Variants in PADI4 observed in about 807,000 individuals in gnomAD.
PADI4 encodes the protein peptidyl arginine deiminase 4.
Under a neutral mutation model 75.0 loss-of-function variants are expected in PADI4, and 62 were observed. The ratio of observed to expected loss-of-function variants is 0.83; its 90% CI spans 0.67 to 1.02. The LOEUF (loss-of-function observed/expected upper bound fraction) is 1.02. PADI4 is among the 50% of genes least tolerant of loss of function. The pLI, the probability that PADI4 is intolerant of heterozygous loss-of-function variation, is 0.00. For missense variants in PADI4, 845 were observed against 850.5 expected, an observed-to-expected ratio of 0.99 and a Z score of 0.08; for synonymous variants, 361 against 348.1, an observed-to-expected ratio of 1.04 and a Z score of -0.41.
At chr1:17,314,712 C>T (rs1436347562) in intron 1 of PADI4, among the ~76,000 whole-genome samples, 10 of 152,218 alleles carry the variant, frequency 6.6e-5, no homozygotes, top group Admixed American at 2.0e-4. Flanking sequence ...GCCTCTCTCA[C>T]TCCCTTCGAG....
chr1:17,336,277 G>C lies in PADI4; in HGVS notation c.408+51G>C, dbSNP rs1442462400. 4 of 1,470,284 alleles carry C rather than the reference G, an allele frequency of 2.7e-6. No homozygotes were observed. In the East Asian group the frequency reaches 6.8e-5, roughly 25 times the overall value. The allele number at this position is 1,470,284 out of a possible 1,614,324, so 91.1% of individuals were successfully genotyped here. ...CCTACTTCTACTGGATTCTCCCCGGGCGCCCCCTTGTGGTGATGGGGCAAA... is the reference window on the plus strand; with the variant it reads ...CCTACTTCTACTGGATTCTCCCCGGCCGCCCCCTTGTGGTGATGGGGCAAA... On this transcript the variant is annotated intron_variant, in intron 4 of 15. Coordinates refer to ENST00000375448, the MANE Select transcript of PADI4 (RefSeq NM_012387.3).
intron 10 of PADI4, among the ~76,000 whole-genome samples, chr1:17,352,854 C>T (rs1408639484): frequency 6.6e-6 from 1 of 152,116 alleles, no homozygotes; most frequent in Non-Finnish European, 1.5e-5. Context: ...CCCAGAGATG[C>T]GAACATGAGG....
intron 10 of PADI4, among the ~76,000 whole-genome samples, chr1:17,353,634 C>T (rs1007186708): frequency 6.6e-6 from 1 of 152,014 alleles, no homozygotes; most frequent in Non-Finnish European, 1.5e-5. Flanking sequence ...ACATCCTAGT[C>T]CCCCCGAACC....
chr1:17,363,291 A>T (rs2074871816), intron 15 of PADI4, among the ~76,000 whole-genome samples: 1 of 151,488 alleles, frequency 6.6e-6, no homozygotes, highest in African/African-American at 2.4e-5. Context: ...GCTAATTTTT[A>T]AAAATACTTT....
chr1:17,309,257 T>A lies in PADI4; in HGVS notation c.92+943T>A, dbSNP rs1402713517. On this transcript the variant is annotated intron_variant, in intron 1 of 15. Coordinates refer to ENST00000375448, the MANE Select transcript of PADI4 (RefSeq NM_012387.3). The stretch of plus-strand genomic sequence containing the variant: ...TAGTGAGCCTTATTGCTCCTCTTTT[T>A]CCAGGCATTGTAAAGACCCTGTTTC... 3.3e-5 allele frequency among the ~76,000 whole-genome samples: 5 copies of A among 152,010 alleles called. No individual in the cohort carries two copies. In the East Asian group the frequency reaches 9.6e-4, roughly 29 times the overall value.
intron 3 of PADI4, among the ~76,000 whole-genome samples, chr1:17,335,604 G>A (rs1056372487): frequency 1.3e-5 from 2 of 152,216 alleles, no homozygotes; most frequent in Non-Finnish European, 2.9e-5. Flanking sequence ...GGATGAGGGA[G>A]GAAGGATTTA....
At chr1:17,362,495 A>G (rs778182570) in intron 15 of PADI4, among the ~76,000 whole-genome samples, 1 of 152,192 alleles carries the variant, frequency 6.6e-6, no homozygotes, top group Non-Finnish European at 1.5e-5. Flanking sequence ...GTGGATACAC[A>G]TAGACACAGA....
intron 8 of PADI4, among the ~76,000 whole-genome samples, chr1:17,345,342 G>C (rs370627116): frequency 6.6e-5 from 10 of 152,334 alleles, no homozygotes; most frequent in East Asian, 5.8e-4. Context: ...CCCTGTCTCA[G>C]ATGAGATTTT....
chr1:17,346,678 G>A lies in PADI4; in HGVS notation c.1047+539G>A, dbSNP rs1001016792. ...TCATGCCAGGAGTGCCCCAAGGACTGAGACTGGGCCTCATCCAGCCTAGCA... is the reference window on the plus strand; with the variant it reads ...TCATGCCAGGAGTGCCCCAAGGACTAAGACTGGGCCTCATCCAGCCTAGCA... On this transcript the variant is annotated intron_variant, in intron 9 of 15. Transcript: ENST00000375448. The surrounding 1 kb of genome is among the most constrained non-coding windows in gnomAD (Gnocchi z 4.3). Among the ~76,000 whole-genome samples, 11 of 152,092 alleles carry A rather than the reference G, an allele frequency of 7.2e-5. No homozygotes were observed. Among genetic ancestry groups the A allele is most frequent in the South Asian group, 2.1e-4 (1 of 4,820 alleles).
intron 1 of PADI4, among the ~76,000 whole-genome samples, chr1:17,314,204 T>G (rs1322220957): frequency 6.6e-6 from 1 of 152,144 alleles, no homozygotes; most frequent in African/African-American, 2.4e-5. Context: ...TTTGAGCCCC[T>G]TATTCATCTT....
rs756235473 is a variant in PADI4, at chr1:17,354,621, C to A, written c.1244C>A (p.Pro415Gln). 49 of 1,613,996 alleles carry A rather than the reference C, an allele frequency of 3.0e-5. No homozygotes were observed. The highest frequency in any genetic ancestry group is 4.1e-5 in the Non-Finnish European group (48 of 1,179,990). The change falls in exon 11 of 16, where the codon CCA (proline) becomes CAA (glutamine). Residue 415 changes from proline to glutamine, a missense_variant. Physicochemically the swap from Pro to Gln is moderately conservative, Grantham distance 76 (BLOSUM62 -1). Coordinates refer to ENST00000375448, the MANE Select transcript of PADI4 (RefSeq NM_012387.3). The part of the protein sequence containing the change: ...DSFGNLEVSP[P>Q]VTVRGKEYPL... ...TTTGGGAACCTGGAAGTGAGCCCCCCAGTCACAGTCAGGGGCAAGGAATAC... is the reference window on the plus strand; with the variant it reads ...TTTGGGAACCTGGAAGTGAGCCCCCAAGTCACAGTCAGGGGCAAGGAATAC...
intron 1 of PADI4, among the ~76,000 whole-genome samples, chr1:17,322,605 A>C (rs2074050516): frequency 6.6e-6 from 1 of 152,066 alleles, no homozygotes; most frequent in South Asian, 2.1e-4. Context: ...GCCAATTGTG[A>C]GGGAAGTATG....
intron 10 of PADI4, among the ~76,000 whole-genome samples, chr1:17,350,820 T>C (rs1185339257): frequency 7.7e-6 from 1 of 129,618 alleles, no homozygotes; most frequent in Non-Finnish European, 1.7e-5. Context: ...GAGGGGACGT[T>C]CTGGCCCAGA....
chr1:17,334,259 C>G (rs1029402853), intron 3 of PADI4: 2 of 496,234 alleles, frequency 4.0e-6, no homozygotes, highest in Admixed American at 3.3e-5. Context: ...TTTTGCTTCT[C>G]AAGTTAGGAA....
chr1:17,314,082 C>T (rs932821238), intron 1 of PADI4, among the ~76,000 whole-genome samples: 6 of 152,182 alleles, frequency 3.9e-5, no homozygotes, highest in African/African-American at 1.2e-4. Flanking sequence ...CAGACCCACC[C>T]GTTTGTGCCC....
chr1:17,343,245 A>T (rs1020318553), intron 8 of PADI4, among the ~76,000 whole-genome samples: 8 of 152,226 alleles, frequency 5.3e-5, no homozygotes, highest in South Asian at 2.1e-4. Context: ...AATTTAAATT[A>T]AATAAAATGC....
At chr1:17,352,730 G>T (rs2074687400) in intron 10 of PADI4, among the ~76,000 whole-genome samples, 2 of 152,172 alleles carry the variant, frequency 1.3e-5, no homozygotes, top group Admixed American at 1.3e-4. Context: ...ATGAGGGGGT[G>T]GGAAGAGGGG....
intron 1 of PADI4, among the ~76,000 whole-genome samples, chr1:17,315,873 C>T (rs2073923939): frequency 6.6e-6 from 1 of 151,916 alleles, no homozygotes; most frequent in South Asian, 2.1e-4. Context: ...CTCTCTCAAC[C>T]CCCAGTCCCC....
chr1:17,336,265 G>T (rs2074309766), intron 4 of PADI4, 39 bp downstream of exon 4: 1 of 1,534,932 alleles, frequency 6.5e-7, no homozygotes, highest in African/African-American at 1.4e-5. Flanking sequence ...ACTTCTACTG[G>T]ATTCTCCCCG....
Sources: gnomAD v4.1 joint callset for allele counts (sites outside exome capture counted in the v4.1 genomes callset) on GRCh38, gnomAD v4.1.1 for gene constraint, Gnocchi (gnomAD v3.1) non-coding constraint, MANE v1.5 for transcripts, NCBI Gene and HGNC (gene_info 2026-07-23, HGNC 2026-07-21) for gene names.